SPTSSB: variants seen among roughly 807,000 people sequenced by gnomAD.
The protein encoded by SPTSSB is androgen down regulated in mouse prostate.
SPTSSB carries 6 observed loss-of-function variants against 7.7 expected under a neutral mutation model. The ratio of observed to expected loss-of-function variants is 0.78; its 90% CI spans 0.43 to 1.54. SPTSSB has a LOEUF of 1.54. SPTSSB is among the 40% of genes most tolerant of loss of function. The pLI is 0.01. For synonymous variants in SPTSSB, 28 were observed against 29.7 expected (o/e 0.94, Z 0.19); for missense variants, 91 against 93.0 (o/e 0.98, Z 0.09).
intron 1 of SPTSSB, among the ~76,000 whole-genome samples, chr3:161,370,638 T>C (rs1003143327): frequency 2.0e-5 from 3 of 152,214 alleles, no homozygotes; most frequent in African/African-American, 7.2e-5. Flanking sequence ...TTTTCCCAAC[T>C]CCCCTGATGC....
chr3:161,358,595 T>C (rs1714881715), intron 2 of SPTSSB, among the ~76,000 whole-genome samples: 1 of 152,216 alleles, frequency 6.6e-6, no homozygotes, highest in African/African-American at 2.4e-5. Flanking sequence ...TATTGCTAGA[T>C]TATGACTACC....
At chr3:161,347,548 C>T (rs1714307748) in intron 2 of SPTSSB, among the ~76,000 whole-genome samples, 1 of 152,104 alleles carries the variant, frequency 6.6e-6, no homozygotes, top group Non-Finnish European at 1.5e-5. Flanking sequence ...AGGCATAAGC[C>T]ACTGTACCCG....
chr3:161,349,916 G>A (rs1023484213), intron 2 of SPTSSB, among the ~76,000 whole-genome samples: 13 of 152,182 alleles, frequency 8.5e-5, no homozygotes, highest in African/African-American at 1.2e-4. Flanking sequence ...TTTGTGTGCG[G>A]TGGAGAAGGA....
At chr3:161,350,517 A>C (rs1235558186) in intron 2 of SPTSSB, among the ~76,000 whole-genome samples, 1 of 152,100 alleles carries the variant, frequency 6.6e-6, no homozygotes, top group Non-Finnish European at 1.5e-5. Flanking sequence ...TCAATCACTC[A>C]GCTTCATTTT....
intron 2 of SPTSSB, among the ~76,000 whole-genome samples, chr3:161,354,230 T>C (rs1380009152): frequency 6.6e-6 from 1 of 152,234 alleles, no homozygotes; most frequent in Non-Finnish European, 1.5e-5. Context: ...TGAAATAATA[T>C]ACTAGAAGGA....
At chr3:161,350,057 C>A (rs1232680462) in intron 2 of SPTSSB, among the ~76,000 whole-genome samples, 1 of 152,112 alleles carries the variant, frequency 6.6e-6, no homozygotes, top group Admixed American at 6.5e-5. Flanking sequence ...TTAAAAAAAA[C>A]CACATGTGGT....
At chr3:161,369,411 G>A (rs1277377478) in intron 1 of SPTSSB, among the ~76,000 whole-genome samples, 39 of 13,106 alleles carry the variant, frequency 3.0e-3, no homozygotes, top group African/African-American at 0.012. Flanking sequence ...TTTTTTTTTT[G>A]TGATAGCCAT....
chr3:161,369,628 G>A (rs557985708), intron 1 of SPTSSB, among the ~76,000 whole-genome samples: 1 of 152,038 alleles, frequency 6.6e-6, no homozygotes, highest in South Asian at 2.1e-4. Context: ...TAAGAGTGGA[G>A]GATGGTTGGA....
chr3:161,349,086 C>T (rs1714400281), intron 2 of SPTSSB, among the ~76,000 whole-genome samples: 1 of 152,112 alleles, frequency 6.6e-6, no homozygotes, highest in African/African-American at 2.4e-5. Flanking sequence ...TTCATTCATT[C>T]ATTGAATGAA....
At chr3:161,350,073 G>A (rs1714455927) in intron 2 of SPTSSB, among the ~76,000 whole-genome samples, 2 of 152,260 alleles carry the variant, frequency 1.3e-5, no homozygotes, top group South Asian at 4.2e-4. Context: ...GTGGTAACAC[G>A]AACACTGCTG....
intron 1 of SPTSSB, among the ~76,000 whole-genome samples, chr3:161,362,923 T>A (rs1332516924): frequency 6.6e-6 from 1 of 152,022 alleles, no homozygotes; most frequent in Non-Finnish European, 1.5e-5. Context: ...TAATAATACG[T>A]ACAAATGTAT....
At chr3:161,349,817 A>G (rs1008499387) in intron 2 of SPTSSB, among the ~76,000 whole-genome samples, 1 of 152,208 alleles carries the variant, frequency 6.6e-6, no homozygotes, top group African/African-American at 2.4e-5. Flanking sequence ...AGGTTATTTC[A>G]TAACTGGGAA....
intron 1 of SPTSSB, among the ~76,000 whole-genome samples, chr3:161,366,903 A>T (rs951116547): frequency 6.6e-6 from 1 of 152,232 alleles, no homozygotes; most frequent in South Asian, 2.1e-4. Context: ...GGCCGGGTGC[A>T]GTGGCTCACG....
At chr3:161,368,702 A>T (rs1394335543) in intron 1 of SPTSSB, among the ~76,000 whole-genome samples, 1 of 152,140 alleles carries the variant, frequency 6.6e-6, no homozygotes, top group Non-Finnish European at 1.5e-5. Flanking sequence ...CTGGGATTAC[A>T]GGCGTGAGCC....
intron 1 of SPTSSB, among the ~76,000 whole-genome samples, chr3:161,367,134 G>A (rs899747941): frequency 2.0e-5 from 3 of 152,276 alleles, no homozygotes; most frequent in Admixed American, 1.3e-4. Flanking sequence ...CTGAGATCAC[G>A]CCATTGCACT....
intron 1 of SPTSSB, among the ~76,000 whole-genome samples, chr3:161,370,758 A>T (rs1715473377): frequency 6.6e-6 from 1 of 152,206 alleles, no homozygotes; most frequent in Admixed American, 6.5e-5. Flanking sequence ...ATGTCACTTT[A>T]GTTGAAACAA....
chr3:161,358,652 T>C (rs905021441), intron 2 of SPTSSB, among the ~76,000 whole-genome samples: 5 of 151,396 alleles, frequency 3.3e-5, no homozygotes, highest in African/African-American at 1.2e-4. Context: ...GTGGGGCATA[T>C]GACTTTTATT....
chr3:161,360,864 T>C (rs559866056), intron 1 of SPTSSB, among the ~76,000 whole-genome samples: 2 of 152,344 alleles, frequency 1.3e-5, no homozygotes, highest in South Asian at 4.1e-4. Context: ...GGATTTTTTA[T>C]TGGCTTCAAG....
intron 1 of SPTSSB, among the ~76,000 whole-genome samples, chr3:161,365,679 G>A (rs1715188309): frequency 6.6e-6 from 1 of 152,022 alleles, no homozygotes; most frequent in South Asian, 2.1e-4. Flanking sequence ...TGTGACAGGG[G>A]GTCTTTTGAC....
Sources: gnomAD v4.1 joint callset for allele counts (sites outside exome capture counted in the v4.1 genomes callset) on GRCh38, gnomAD v4.1.1 for gene constraint, MANE v1.5 for transcripts, NCBI Gene and HGNC (gene_info 2026-07-23, HGNC 2026-07-21) for gene names.